The following ROBO1 variants were observed in gnomAD, a reference collection of about 807,000 sequenced individuals.
ROBO1 encodes roundabout homolog 1.
In ROBO1, 149 loss-of-function variants were observed where a neutral mutation model predicts 195.9. The ratio of observed to expected loss-of-function variants is 0.76; its 90% CI spans 0.67 to 0.87. ROBO1 has a LOEUF of 0.87. Among genes scored for constraint, ROBO1 ranks in the 40% least tolerant of loss-of-function variants. The probability of loss-of-function intolerance (pLI) is 0.00; values close to 1 mark genes in which losing one functional copy is unlikely to be tolerated. For missense variants in ROBO1, 1,933 were observed against 2,068.3 expected, an observed-to-expected ratio of 0.93 and a Z score of 1.27; for synonymous variants, 816 against 733.2, an observed-to-expected ratio of 1.11 and a Z score of -1.82.
At chr3:79,602,897 C>G (rs1238736747) in intron 1 of ROBO1, among the ~76,000 whole-genome samples, 1 of 151,926 alleles carries the variant, frequency 6.6e-6, no homozygotes, top group African/African-American at 2.4e-5. Context: ...TAGAAAAAAG[C>G]AGAATATTAA....
Position 78,631,323 on chromosome 3 carries a change from T to C in ROBO1, c.3482-18A>G. The C allele has an allele frequency of 3.7e-6, 6 of 1,611,278 alleles. No individual in the cohort carries two copies. The highest frequency in any genetic ancestry group is 5.1e-6 in the Non-Finnish European group (6 of 1,178,362). On this transcript the variant is annotated intron_variant, in intron 24 of 30. Coordinates refer to ENST00000464233, the MANE Select transcript of ROBO1 (RefSeq NM_002941.4). ...CTGACTCCCTAGAAAGGAAATAAAA[T>C]AGAAGCCATTGATCTCTGGCCTTTA...
Position 78,633,990 on chromosome 3 carries a change from G to A in ROBO1, c.3426C>T (p.Tyr1142=), listed in dbSNP as rs778705797. Residue 1142 remains tyrosine (Y), a synonymous_variant, in exon 24 of 31, where the codon TAC becomes TAT. Transcript: ENST00000464233. ...TGTAGGATCCTCCTGTGTTCTGGTC[G>A]TATGATTGGTTGTATGGGATAGTTG... is the stretch of plus-strand genomic sequence containing the variant. ...VPPTIPYNQS[Y]DQNTGGSYNS... 19 of 1,612,492 alleles carry A rather than the reference G, an allele frequency of 1.2e-5. No individual in the cohort carries two copies. The highest frequency in any genetic ancestry group is 1.6e-4 in the Middle Eastern group (1 of 6,076).
At chr3:79,056,197 A>T (rs986614219) in intron 3 of ROBO1, among the ~76,000 whole-genome samples, 2 of 152,120 alleles carry the variant, frequency 1.3e-5, no homozygotes, top group Non-Finnish European at 2.9e-5. Flanking sequence ...ATCTATCAAT[A>T]ATCAGGAGCC....
intron 1 of ROBO1, among the ~76,000 whole-genome samples, chr3:79,705,413 CA>C (rs1218858248): frequency 7.6e-6 from 1 of 132,424 alleles, no homozygotes; most frequent in Non-Finnish European, 1.6e-5. Flanking sequence ...GTTATTCTAG[CA>C]ACATTTTTTA....
intron 4 of ROBO1, among the ~76,000 whole-genome samples, chr3:78,798,145 A>G (rs1170317164): frequency 6.6e-6 from 1 of 152,192 alleles, no homozygotes; most frequent in Non-Finnish European, 1.5e-5. Flanking sequence ...GAATTTATTT[A>G]GTAGTTATTT....
intron 2 of ROBO1, among the ~76,000 whole-genome samples, chr3:79,450,675 G>C (rs902145935): frequency 2.0e-5 from 3 of 151,804 alleles, no homozygotes; most frequent in Non-Finnish European, 4.4e-5. Context: ...CCTTTCTATA[G>C]TGGCATTTTA....
At chr3:79,648,944 G>A (rs967563810) in intron 1 of ROBO1, among the ~76,000 whole-genome samples, 1 of 152,050 alleles carries the variant, frequency 6.6e-6, no homozygotes, top group Non-Finnish European at 1.5e-5. Context: ...GAAAATAGTT[G>A]TCAACCTGGT....
At chr3:79,272,745 C>A (rs549990214) in intron 2 of ROBO1, among the ~76,000 whole-genome samples, 15 of 152,204 alleles carry the variant, frequency 9.9e-5, no homozygotes, top group Middle Eastern at 3.4e-3. Flanking sequence ...GGGGGTGAAT[C>A]ATTCATCCCC....
intron 4 of ROBO1, among the ~76,000 whole-genome samples, chr3:78,850,041 G>A (rs1297969027): frequency 6.6e-6 from 1 of 152,092 alleles, no homozygotes; most frequent in Non-Finnish European, 1.5e-5. Context: ...GTTCCATACA[G>A]TAACATGCTG....
At chr3:79,647,290 T>G (rs1945847016) in intron 1 of ROBO1, among the ~76,000 whole-genome samples, 1 of 152,076 alleles carries the variant, frequency 6.6e-6, no homozygotes, top group Non-Finnish European at 1.5e-5. Context: ...ACCTGAAAGC[T>G]CTCATGCTAC....
chr3:79,698,761 A>T (rs547124296), intron 1 of ROBO1, among the ~76,000 whole-genome samples: 1 of 151,732 alleles, frequency 6.6e-6, no homozygotes, highest in South Asian at 2.1e-4. Flanking sequence ...TGAGAAATTG[A>T]AGTGTTTAGT....
intron 3 of ROBO1, among the ~76,000 whole-genome samples, chr3:79,013,292 C>T (rs2077833445): frequency 6.6e-6 from 1 of 152,172 alleles, no homozygotes; most frequent in Admixed American, 6.5e-5. Flanking sequence ...CAAAATACAA[C>T]TCGAAAGCCA....
At chr3:79,660,761 C>T (rs187827651) in intron 1 of ROBO1, among the ~76,000 whole-genome samples, 1 of 152,134 alleles carries the variant, frequency 6.6e-6, no homozygotes, top group East Asian at 1.9e-4. Flanking sequence ...TATTCTAATA[C>T]CCAAATGGGC....
intron 2 of ROBO1, among the ~76,000 whole-genome samples, chr3:79,147,615 G>C (rs2080679773): frequency 6.6e-6 from 1 of 151,890 alleles, no homozygotes; most frequent in Non-Finnish European, 1.5e-5. Flanking sequence ...TCCTTGAACA[G>C]AAAAGTACTT....
At chr3:79,738,800 T>A (rs1468455123) in intron 1 of ROBO1, among the ~76,000 whole-genome samples, 1 of 152,126 alleles carries the variant, frequency 6.6e-6, no homozygotes, top group East Asian at 1.9e-4. Context: ...TTGTAAGCAA[T>A]CCCCGGCAGA....
chr3:78,808,715 T>C (rs922534242), intron 4 of ROBO1, among the ~76,000 whole-genome samples: 1 of 152,112 alleles, frequency 6.6e-6, no homozygotes, highest in Non-Finnish European at 1.5e-5. Context: ...CATCTAATCT[T>C]TGAAAAACCT....
rs150243798 is a variant in ROBO1, at chr3:79,341,612, G to A, written c.89-216073C>T. Among the ~76,000 whole-genome samples, 488 of 152,022 alleles carry A rather than the reference G, an allele frequency of 3.2e-3. 3 individuals carry two copies. The highest frequency in any genetic ancestry group is 0.011 in the African/African-American group (454 of 41,458). ...TCCCAAGTTAGCCTCCCAGTTAGCT[G>A]GGATTACAGGTGGGACCCACTGTGC... On this transcript the variant is annotated intron_variant, in intron 2 of 30. Transcript: ENST00000464233.
At chr3:78,823,088 T>G (rs1178160421) in intron 4 of ROBO1, among the ~76,000 whole-genome samples, 1 of 152,222 alleles carries the variant, frequency 6.6e-6, no homozygotes, top group African/African-American at 2.4e-5. Context: ...GAAATGCTGC[T>G]GTCTTTAATC....
intron 4 of ROBO1, among the ~76,000 whole-genome samples, chr3:78,748,446 TAA>T (rs2082710998): frequency 7.5e-6 from 1 of 133,974 alleles, no homozygotes; most frequent in East Asian, 2.0e-4. Context: ...AATAAATAAA[TAA>T]ATAAATAAAT....
Sources: gnomAD v4.1 joint callset for allele counts (sites outside exome capture counted in the v4.1 genomes callset) on GRCh38, gnomAD v4.1.1 for gene constraint, MANE v1.5 for transcripts, NCBI Gene and HGNC (gene_info 2026-07-23, HGNC 2026-07-21) for gene names.